The following PRDM16 variants were observed in gnomAD, a reference collection of about 807,000 sequenced individuals.
The protein encoded by PRDM16 is histone-lysine N-methyltransferase PRDM16.
A neutral mutation model predicts 110.6 loss-of-function variants in PRDM16; 23 were observed. That is an observed-to-expected ratio of 0.21 (90% CI 0.15 to 0.29). The LOEUF (loss-of-function observed/expected upper bound fraction) is 0.29, where lower values mean the gene tolerates loss of function less well. PRDM16 is among the 10% of genes least tolerant of loss of function. The pLI is 1.00. For missense variants in PRDM16, 1,615 were observed against 1,794.3 expected (o/e 0.90, Z 1.81); for synonymous variants, 799 against 781.8 (o/e 1.02, Z -0.37).
intron 1 of PRDM16, among the ~76,000 whole-genome samples, chr1:3,100,125 A>G (rs991758044): frequency 1.3e-5 from 2 of 151,940 alleles, no homozygotes; most frequent in Admixed American, 6.5e-5. Context: ...CATCTGTGGG[A>G]AGGAAGGGCC....
intron 3 of PRDM16, among the ~76,000 whole-genome samples, chr1:3,331,023 T>G (rs1248850131): frequency 6.6e-6 from 1 of 152,204 alleles, no homozygotes; most frequent in Non-Finnish European, 1.5e-5. Context: ...TTCCATCTGA[T>G]AAGGCCCCGC....
chr1:3,120,054 AG>A (rs1569606833), intron 1 of PRDM16, among the ~76,000 whole-genome samples: 1 of 137,932 alleles, frequency 7.2e-6, no homozygotes, highest in Non-Finnish European at 1.6e-5. Context: ...CTCCTTGCTC[AG>A]GGGCAGGTGG....
intron 1 of PRDM16, 128 bp from the exon 2 acceptor site, chr1:3,185,997 C>T (rs890589499): frequency 4.0e-6 from 3 of 741,216 alleles, no homozygotes; most frequent in Admixed American, 4.7e-5. Context: ...GCAGGGGTGG[C>T]AGCCGGGCCT....
Position 3,428,148 on chromosome 1 carries a change from C to T in PRDM16, c.3284+1923C>T, listed in dbSNP as rs148711605. 3.9e-3 allele frequency among the ~76,000 whole-genome samples: 578 copies of T among 148,902 alleles called. 13 individuals carry two copies. Among genetic ancestry groups the T allele is most frequent in the Middle Eastern group, 0.014 (4 of 286 alleles). ...CCTGGAGGACAGCAAGGCCCCCCTA[C>T]CCCGAGCTAGGGTGCAGCCCGGCCG... On this transcript the variant is annotated intron_variant, in intron 14 of 16. Coordinates refer to ENST00000270722, the MANE Select transcript of PRDM16 (RefSeq NM_022114.4).
chr1:3,116,985 G>A (rs939979652), intron 1 of PRDM16, among the ~76,000 whole-genome samples: 1 of 152,160 alleles, frequency 6.6e-6, no homozygotes, highest in South Asian at 2.1e-4. Flanking sequence ...ATCCCTCCTG[G>A]AAGTATAGAA....
At chr1:3,410,458 G>A (rs1444479900) in intron 8 of PRDM16, among the ~76,000 whole-genome samples, 1 of 152,134 alleles carries the variant, frequency 6.6e-6, no homozygotes, top group East Asian at 1.9e-4. Context: ...CTCTGCATAG[G>A]GCTCCTGCCC....
At chr1:3,409,010 C>T (rs1643618468) in intron 8 of PRDM16, among the ~76,000 whole-genome samples, 1 of 133,680 alleles carries the variant, frequency 7.5e-6, no homozygotes, top group Non-Finnish European at 1.6e-5. Flanking sequence ...GGCGTGTGAG[C>T]CGGGGCATGT....
intron 5 of PRDM16, among the ~76,000 whole-genome samples, chr1:3,400,217 A>G (rs1265727596): frequency 6.6e-6 from 1 of 152,152 alleles, no homozygotes; most frequent in African/African-American, 2.4e-5. Flanking sequence ...GCCCAGCCTC[A>G]GTTTGCCAGT....
At chr1:3,312,926 G>A (rs932866225) in intron 3 of PRDM16, among the ~76,000 whole-genome samples, 4 of 152,324 alleles carry the variant, frequency 2.6e-5, no homozygotes, top group African/African-American at 7.2e-5. Flanking sequence ...GTGCACACAC[G>A]GGTGCCTTGG....
intron 3 of PRDM16, among the ~76,000 whole-genome samples, chr1:3,365,786 C>T (rs1251169251): frequency 1.3e-5 from 2 of 152,362 alleles, no homozygotes; most frequent in Admixed American, 6.5e-5. Flanking sequence ...ATCATTTGTG[C>T]TAATCAGAGC....
rs1642539317 is a variant in PRDM16, at chr1:3,353,715, G to A, written c.439-31437G>A. On this transcript the variant is annotated intron_variant, in intron 3 of 16. Coordinates refer to ENST00000270722, the MANE Select transcript of PRDM16 (RefSeq NM_022114.4). This position sits in a 1 kb window ranked among gnomAD's most constrained non-coding sequence, Gnocchi z 5.4. The stretch of plus-strand genomic sequence containing the variant: ...CTAGCTCAGGCTGGTGGAGGTTTGG[G>A]GATGCCGAAGCAGCCAGAGAGTGGC... Among the ~76,000 whole-genome samples, 1 of 152,198 alleles carries A rather than the reference G, an allele frequency of 6.6e-6. No individual in the cohort carries two copies. Among genetic ancestry groups the A allele is most frequent in the Non-Finnish European group, 1.5e-5 (1 of 68,026 alleles).
At chr1:3,372,914 G>A (rs1349959476) in intron 3 of PRDM16, among the ~76,000 whole-genome samples, 1 of 152,194 alleles carries the variant, frequency 6.6e-6, no homozygotes, top group Non-Finnish European at 1.5e-5. Flanking sequence ...TGGGGAGAGG[G>A]CCTGATGCAG....
intron 1 of PRDM16, among the ~76,000 whole-genome samples, chr1:3,144,849 G>A (rs12722983): frequency 1.3e-5 from 2 of 152,160 alleles, no homozygotes; most frequent in Admixed American, 6.5e-5. Flanking sequence ...GGGTCAGGGG[G>A]CCCTTCTGCT....
rs1040300906 is a variant in PRDM16 at position 3,201,564 on chromosome 1, C to T, written c.387+15090C>T. Among the ~76,000 whole-genome samples, 2 of 152,182 alleles carry T rather than the reference C, an allele frequency of 1.3e-5. No individual in the cohort carries two copies. The highest frequency in any genetic ancestry group is 4.8e-5 in the African/African-American group (2 of 41,448). ...CTGTGGGGAGGACAGGAGGGCCACC[C>T]GGGGCAGCTGCCCTCTGAGGGACTT... On this transcript the variant is annotated intron_variant, in intron 2 of 16. Coordinates refer to ENST00000270722, the MANE Select transcript of PRDM16 (RefSeq NM_022114.4). This position sits in a 1 kb window ranked among gnomAD's most constrained non-coding sequence, Gnocchi z 4.1.
chr1:3,105,969 G>A (rs1356851854), intron 1 of PRDM16, among the ~76,000 whole-genome samples: 1 of 149,552 alleles, frequency 6.7e-6, no homozygotes, highest in Non-Finnish European at 1.5e-5. Flanking sequence ...CCTTAGTTGG[G>A]TGGGGGCAGG....
intron 3 of PRDM16, among the ~76,000 whole-genome samples, chr1:3,346,912 G>A (rs971580250): frequency 2.0e-5 from 3 of 152,228 alleles, no homozygotes; most frequent in Admixed American, 6.5e-5. Flanking sequence ...CTCCCCTTTC[G>A]TGCTTCCATC....
chr1:3,184,910 G>A (rs956058270), intron 1 of PRDM16, among the ~76,000 whole-genome samples: 1 of 149,832 alleles, frequency 6.7e-6, no homozygotes, highest in Non-Finnish European at 1.5e-5. Flanking sequence ...GGTGCCACAG[G>A]TGTGACCCTC....
In PRDM16 at chr1:3,339,714, C is replaced by T. The variant is rs192808017; in HGVS notation, c.439-45438C>T. Among the ~76,000 whole-genome samples the T allele has an allele frequency of 6.6e-6, 1 of 152,230 alleles. No homozygotes were observed. The highest frequency in any genetic ancestry group is 2.4e-5 in the African/African-American group (1 of 41,536). On this transcript the variant is annotated intron_variant, in intron 3 of 16. Transcript: ENST00000270722. The surrounding 1 kb of genome is among the most constrained non-coding windows in gnomAD (Gnocchi z 5.0). The stretch of plus-strand genomic sequence containing the variant: ...GTGCAGAGCTCAGTTACCCCATCTG[C>T]CTCAGCCTCCCTCAGAACTGTGGGA...
At chr1:3,329,748 G>A (rs1642003623) in intron 3 of PRDM16, among the ~76,000 whole-genome samples, 1 of 152,232 alleles carries the variant, frequency 6.6e-6, no homozygotes, top group Non-Finnish European at 1.5e-5. Context: ...GTGGGCAGGG[G>A]CACCCCAGGC....
Sources: allele counts gnomAD v4.1 joint callset (sites outside exome capture counted in the v4.1 genomes callset), GRCh38; gene constraint gnomAD v4.1.1; non-coding constraint Gnocchi (gnomAD v3.1); transcripts MANE v1.5; gene names NCBI Gene and HGNC (gene_info 2026-07-23, HGNC 2026-07-21).